The following TMEM26 variants were observed in gnomAD, a reference collection of about 807,000 sequenced individuals.
TMEM26 encodes the protein transmembrane protein 26.
A neutral mutation model predicts 28.8 loss-of-function variants in TMEM26; 38 were observed. The observed-to-expected ratio is 1.32, with a 90% CI of 1.02 to 1.73. The LOEUF is 1.73. Ranked by LOEUF, TMEM26 falls within the 40% of genes most tolerant of loss-of-function variation. The probability of loss-of-function intolerance (pLI) is 0.00; values close to 1 mark genes in which losing one functional copy is unlikely to be tolerated. For synonymous variants in TMEM26, 227 were observed against 182.9 expected (o/e 1.24, Z -1.95); for missense variants, 518 against 447.1 (o/e 1.16, Z -1.43).
In TMEM26 at chr10:61,449,217, C is replaced by T. The variant is rs551255753; in HGVS notation, c.191+3674G>A. Among the ~76,000 whole-genome samples, 6 of 152,116 alleles carry T rather than the reference C, an allele frequency of 3.9e-5. No homozygotes were observed. In the South Asian group the frequency reaches 1.2e-3, roughly 32 times the overall value. On this transcript the variant is annotated intron_variant, in intron 1 of 5. Coordinates refer to ENST00000399298, the MANE Select transcript of TMEM26 (RefSeq NM_178505.8). ...CTTAACGGGGGACATGTTGTTGGCTCACCCTCTCTATTCTATAGGATTCCA... is the reference window on the plus strand; with the variant it reads ...CTTAACGGGGGACATGTTGTTGGCTTACCCTCTCTATTCTATAGGATTCCA...
At chr10:61,425,694 G>A (rs147652012) in intron 4 of TMEM26, among the ~76,000 whole-genome samples, 1 of 152,188 alleles carries the variant, frequency 6.6e-6, no homozygotes, top group Admixed American at 6.6e-5. Flanking sequence ...AAGATGCTCA[G>A]CAACATTAGT....
intron 2 of TMEM26, 75 bp downstream of exon 2, chr10:61,436,095 G>A (rs951919698): frequency 4.4e-5 from 42 of 958,886 alleles, no homozygotes; most frequent in East Asian, 9.9e-5. Flanking sequence ...AGTGCATTCC[G>A]AAAATAAACT....
intron 4 of TMEM26, among the ~76,000 whole-genome samples, chr10:61,426,129 C>T (rs1839827481): frequency 6.6e-6 from 1 of 151,926 alleles, no homozygotes; most frequent in African/African-American, 2.4e-5. Flanking sequence ...CATGAAACAA[C>T]ATGGATGAAT....
At chr10:61,449,674 C>A (rs979916503) in intron 1 of TMEM26, among the ~76,000 whole-genome samples, 4 of 152,134 alleles carry the variant, frequency 2.6e-5, no homozygotes, top group Non-Finnish European at 4.4e-5. Flanking sequence ...AAGAAAAGAA[C>A]TTTTCCACCT....
chr10:61,426,546 T>C (rs376089959), intron 4 of TMEM26, among the ~76,000 whole-genome samples: 9 of 152,056 alleles, frequency 5.9e-5, no homozygotes, highest in African/African-American at 1.9e-4. Context: ...TAATAAAAAA[T>C]GGAATTTGAC....
chr10:61,414,277 G>A (rs899753939), intron 4 of TMEM26: 1 of 156,074 alleles, frequency 6.4e-6, no homozygotes, highest in Non-Finnish European at 1.4e-5. Flanking sequence ...GAAATGCAAA[G>A]GATATTAAAC....
At chr10:61,445,896 G>A (rs1398230192) in intron 1 of TMEM26, among the ~76,000 whole-genome samples, 2 of 152,108 alleles carry the variant, frequency 1.3e-5, no homozygotes. Flanking sequence ...TAATGTCACT[G>A]CCATGAGAAG....
At chr10:61,428,018 T>C (rs1046792327) in intron 4 of TMEM26, among the ~76,000 whole-genome samples, 5 of 152,132 alleles carry the variant, frequency 3.3e-5, no homozygotes, top group African/African-American at 1.2e-4. Context: ...CAGGAAATTA[T>C]CTTGTAAAGG....
chr10:61,420,165 T>A (rs1839720583), intron 4 of TMEM26, among the ~76,000 whole-genome samples: 1 of 152,156 alleles, frequency 6.6e-6, no homozygotes, highest in Non-Finnish European at 1.5e-5. Context: ...ATTTTTATAA[T>A]AAAGTAAGCT....
At chr10:61,446,684 T>C (rs1840186060) in intron 1 of TMEM26, among the ~76,000 whole-genome samples, 1 of 151,326 alleles carries the variant, frequency 6.6e-6, no homozygotes, top group African/African-American at 2.4e-5. Flanking sequence ...CCAGGCGTGG[T>C]GGCACGCACC....
chr10:61,434,367 G>T lies in TMEM26; in HGVS notation c.270+1803C>A, dbSNP rs116373173. On this transcript the variant is annotated intron_variant, in intron 2 of 5. Coordinates refer to ENST00000399298, the MANE Select transcript of TMEM26 (RefSeq NM_178505.8). ...TTGGTTGCACGTTATTTGTTGTAAC[G>T]GGATTTGAGCTGTATATCAATTAAT... is the stretch of plus-strand genomic sequence containing the variant. Among the ~76,000 whole-genome samples, 1,219 of 152,130 alleles carry T rather than the reference G, an allele frequency of 8.0e-3. 10 individuals carry two copies. Among genetic ancestry groups the T allele is most frequent in the African/African-American group, 0.024 (977 of 41,514 alleles).
chr10:61,436,316 A>G (rs1840007979), intron 1 of TMEM26, 68 bp from the exon 2 acceptor site: 5 of 1,013,328 alleles, frequency 4.9e-6, no homozygotes, highest in South Asian at 3.1e-5. Flanking sequence ...AAAAATTAAG[A>G]GGAAGAATGA....
At chr10:61,445,003 T>A (rs1243837973) in intron 1 of TMEM26, among the ~76,000 whole-genome samples, 1 of 152,240 alleles carries the variant, frequency 6.6e-6, no homozygotes, top group Non-Finnish European at 1.5e-5. Context: ...TCTATTATTG[T>A]CAGTTGTGAC....
At position 61,407,359 on chromosome 10, in the gene TMEM26, C is replaced by A. The variant is rs1564469666; in HGVS notation, c.*2963G>T. On this transcript the variant is annotated 3_prime_UTR_variant, in exon 6 of 6. Transcript: ENST00000399298. ...TCTGAAGTGCTATTTGTTAGTGGAACTACAACAGTGCCAAGAGTAAATTTG... is the reference window on the plus strand; with the variant it reads ...TCTGAAGTGCTATTTGTTAGTGGAAATACAACAGTGCCAAGAGTAAATTTG... The A allele has an allele frequency of 6.6e-6, 1 of 152,230 alleles. No individual in the cohort carries two copies. Among genetic ancestry groups the A allele is most frequent in the South Asian group, 2.1e-4 (1 of 4,826 alleles). The allele number at this position is 152,230 out of a possible 1,614,324, so 9.4% of individuals were successfully genotyped here.
At chr10:61,420,310 C>T (rs1839722635) in intron 4 of TMEM26, among the ~76,000 whole-genome samples, 1 of 152,002 alleles carries the variant, frequency 6.6e-6, no homozygotes, top group Non-Finnish European at 1.5e-5. Flanking sequence ...CGAGAAAGAA[C>T]AGGAGAGGCT....
chr10:61,413,750 T>A, intron 4 of TMEM26: 1 of 1,237,732 alleles, frequency 8.1e-7, no homozygotes, highest in Non-Finnish European at 1.0e-6. Context: ...GCCCAACATA[T>A]GCATGAATTA....
At chr10:61,425,130 T>C (rs1244010915) in intron 4 of TMEM26, among the ~76,000 whole-genome samples, 3 of 152,124 alleles carry the variant, frequency 2.0e-5, no homozygotes, top group East Asian at 1.9e-4. Context: ...AATCACATCT[T>C]ACGTGGCTGA....
Position 61,410,258 on chromosome 10 carries a change from G to A in TMEM26, c.*64C>T. The A allele has an allele frequency of 6.8e-7, 1 of 1,479,418 alleles. No individual in the cohort carries two copies. Among genetic ancestry groups the A allele is most frequent in the Non-Finnish European group, 9.1e-7 (1 of 1,099,586 alleles). 91.6% of individuals were successfully genotyped at this position (1,479,418 alleles called of 1,614,324 possible). A position where few individuals can be genotyped will look rare whatever the true frequency, so the allele number is the denominator to read the frequency against. ...ATACGCCAAGGTTGGAGGAGAAAAA[G>A]GATCCTCCCTGTAAGAAGAACCAGG... is the stretch of plus-strand genomic sequence containing the variant. On this transcript the variant is annotated 3_prime_UTR_variant, in exon 6 of 6. Transcript: ENST00000399298.
intron 1 of TMEM26, among the ~76,000 whole-genome samples, chr10:61,447,472 G>A (rs1309666790): frequency 6.6e-6 from 1 of 152,140 alleles, no homozygotes; most frequent in Non-Finnish European, 1.5e-5. Flanking sequence ...TACAAAATTG[G>A]TTTGAATTTG....
Sources: allele counts gnomAD v4.1 joint callset (sites outside exome capture counted in the v4.1 genomes callset), GRCh38; gene constraint gnomAD v4.1.1; transcripts MANE v1.5; gene names NCBI Gene and HGNC (gene_info 2026-07-23, HGNC 2026-07-21).